Variants in POPDC3 observed in about 807,000 individuals in gnomAD.
POPDC3 encodes the protein popeye domain-containing protein 3.
POPDC3 carries 20 observed loss-of-function variants against 28.2 expected under a neutral mutation model. The ratio of observed to expected loss-of-function variants is 0.71; its 90% CI spans 0.50 to 1.03. The LOEUF (loss-of-function observed/expected upper bound fraction) is 1.03. Ranked by LOEUF, POPDC3 falls within the 50% of genes least tolerant of loss-of-function variation. POPDC3 has a pLI of 0.00. For missense variants in POPDC3, 316 were observed against 345.9 expected, an observed-to-expected ratio of 0.91 and a Z score of 0.69; for synonymous variants, 118 against 124.1, an observed-to-expected ratio of 0.95 and a Z score of 0.33.
At chr6:105,165,218 G>C (rs1053724845) in intron 1 of POPDC3, among the ~76,000 whole-genome samples, 2 of 152,352 alleles carry the variant, frequency 1.3e-5, no homozygotes, top group Admixed American at 6.5e-5. Context: ...GGGAACCCAA[G>C]TGGGATATTC....
At chr6:105,160,886 T>A (rs561347556) in intron 2 of POPDC3, among the ~76,000 whole-genome samples, 1 of 152,268 alleles carries the variant, frequency 6.6e-6, no homozygotes, top group Non-Finnish European at 1.5e-5. Flanking sequence ...CAGGTGTTTT[T>A]GGGATTACAG....
chr6:105,167,831 G>A (rs57604249), intron 1 of POPDC3, among the ~76,000 whole-genome samples: 15,732 of 151,806 alleles, frequency 0.1, 1,043 homozygotes, highest in Middle Eastern at 0.19. Flanking sequence ...AGAAATAGTG[G>A]GTTAAGTAAA....
rs1336767671 is a variant in POPDC3, at chr6:105,179,972, G to A, written c.-391C>T. On this transcript the variant is annotated 5_prime_UTR_variant, in exon 1 of 4. Coordinates refer to ENST00000254765, the MANE Select transcript of POPDC3 (RefSeq NM_022361.5). The stretch of plus-strand genomic sequence containing the variant: ...GCCTCGCCGCCCACCCTGCGGCGCC[G>A]GGCGCAGCGTGACCGCAGCGGGCTC... The A allele has an allele frequency of 6.7e-6, 1 of 148,298 alleles. No individual in the cohort carries two copies. Among genetic ancestry groups the A allele is most frequent in the Non-Finnish European group, 1.5e-5 (1 of 66,824 alleles). The allele number at this position is 148,298 out of a possible 1,614,324, so 9.2% of individuals were successfully genotyped here. A position where few individuals can be genotyped will look rare whatever the true frequency, so the allele number is the denominator to read the frequency against.
At chr6:105,160,664 C>T (rs1774304644) in intron 2 of POPDC3, among the ~76,000 whole-genome samples, 1 of 152,180 alleles carries the variant, frequency 6.6e-6, no homozygotes, top group East Asian at 1.9e-4. Context: ...GCGATCTCAG[C>T]TCACTGCAAC....
At chr6:105,163,331 A>T (rs945524675) in intron 1 of POPDC3, among the ~76,000 whole-genome samples, 1 of 152,152 alleles carries the variant, frequency 6.6e-6, no homozygotes, top group African/African-American at 2.4e-5. Context: ...CTACCCTTTC[A>T]GCCATATGGT....
At chr6:105,161,113 A>G (rs1369457748) in intron 2 of POPDC3, among the ~76,000 whole-genome samples, 2 of 152,274 alleles carry the variant, frequency 1.3e-5, no homozygotes, top group African/African-American at 2.4e-5. Context: ...TATTAATTCA[A>G]GCTGACATCA....
intron 1 of POPDC3, among the ~76,000 whole-genome samples, chr6:105,162,466 G>A (rs746803105): frequency 1.6e-4 from 25 of 152,272 alleles, no homozygotes; most frequent in African/African-American, 2.6e-4. Flanking sequence ...GCGAGGTGGC[G>A]TGTGCCTGGA....
At chr6:105,171,743 C>A (rs1353440346) in intron 1 of POPDC3, among the ~76,000 whole-genome samples, 4 of 141,318 alleles carry the variant, frequency 2.8e-5, no homozygotes, top group African/African-American at 1.1e-4. Flanking sequence ...TAGTGAAATT[C>A]CAATGTTAAC....
At chr6:105,173,650 C>T (rs946588209) in intron 1 of POPDC3, among the ~76,000 whole-genome samples, 1 of 152,162 alleles carries the variant, frequency 6.6e-6, no homozygotes, top group Non-Finnish European at 1.5e-5. Context: ...TCATATCTAA[C>T]CTGCTTCTGT....
intron 1 of POPDC3, among the ~76,000 whole-genome samples, chr6:105,163,333 C>A (rs1320439058): frequency 1.3e-5 from 2 of 152,126 alleles, no homozygotes; most frequent in African/African-American, 4.8e-5. Context: ...ACCCTTTCAG[C>A]CATATGGTGG....
rs567589295 is a variant in POPDC3, at chr6:105,161,765, C to T, written c.145G>A (p.Gly49Arg). Residue 49 changes from glycine (G) to arginine (R), a missense_variant, in exon 2 of 4, where the codon GGG (glycine) becomes AGG (arginine). Gly to Arg is a moderately radical substitution (Grantham distance 125, BLOSUM62 -2). Transcript: ENST00000254765. ...AGCAAACTGAAGACATAAAGGAGCC[C>T]GAAGAATCCACTGCCACCCATGAAA... is the stretch of plus-strand genomic sequence containing the variant. Reference protein sequence around the residue: ...VGFMGGSGFFGLLYVFSLLGL... With the variant: ...VGFMGGSGFFRLLYVFSLLGL... 9 of 1,614,110 alleles carry T rather than the reference C, an allele frequency of 5.6e-6. No individual in the cohort carries two copies. The East Asian group carries it at 1.1e-4, about 20-fold the overall frequency.
chr6:105,174,462 G>A (rs1774644636), intron 1 of POPDC3, among the ~76,000 whole-genome samples: 1 of 152,158 alleles, frequency 6.6e-6, no homozygotes, highest in Non-Finnish European at 1.5e-5. Flanking sequence ...CCAGCCAAAT[G>A]GTCATTCAAG....
chr6:105,163,211 TA>T (rs756590863), intron 1 of POPDC3, among the ~76,000 whole-genome samples: 7 of 152,212 alleles, frequency 4.6e-5, no homozygotes, highest in Non-Finnish European at 1.0e-4. Flanking sequence ...TATTTCAGGT[TA>T]AAGCTTGCAT....
At chr6:105,178,573 C>G (rs1412818654) in intron 1 of POPDC3, 2 of 5,120 alleles carry the variant, frequency 3.9e-4, no homozygotes, top group African/African-American at 4.5e-4. Context: ...GACACACACA[C>G]ACACACACAC....
Position 105,161,681 on chromosome 6 carries a change from T to C in POPDC3, c.229A>G (p.Ile77Val), listed in dbSNP as rs751546255. ...AACAGTACAAAATTCCAGGAAAATATGTCAGCTGCACAGACATCTACCCAA... is the reference window on the plus strand; with the variant it reads ...AACAGTACAAAATTCCAGGAAAATACGTCAGCTGCACAGACATCTACCCAA... ...WAWVDVCAAD[I>V]FSWNFVLFVI... Residue 77 changes from isoleucine (I) to valine (V), a missense_variant, in exon 2 of 4, where the codon ATA becomes GTA. Coordinates refer to ENST00000254765, the MANE Select transcript of POPDC3 (RefSeq NM_022361.5). 8 of 1,614,018 alleles carry C rather than the reference T, an allele frequency of 5.0e-6. 1 individual carries two copies. Among genetic ancestry groups the C allele is most frequent in the Middle Eastern group, 1.6e-4 (1 of 6,084 alleles).
chr6:105,162,460 G>C (rs569381694), intron 1 of POPDC3, among the ~76,000 whole-genome samples: 15 of 152,330 alleles, frequency 9.8e-5, no homozygotes, highest in African/African-American at 3.4e-4. Flanking sequence ...GGCCGGGCGA[G>C]GTGGCGTGTG....
Position 105,158,600 on chromosome 6 carries a change from C to A in POPDC3, c.746G>T (p.Arg249Met), listed in dbSNP as rs750662233. The A allele has an allele frequency of 1.2e-6, 2 of 1,614,108 alleles. No homozygotes were observed. The change falls in exon 4 of 4, where the codon AGG becomes ATG. Residue 249 changes from arginine to methionine, a missense_variant. Coordinates refer to ENST00000254765, the MANE Select transcript of POPDC3 (RefSeq NM_022361.5). ...IADKLYALNDRVYIGKRYHYD... is the reference protein window; with the variant it reads ...IADKLYALNDMVYIGKRYHYD... ...GTGATATCTTTTTCCTATATATACC[C>A]TGTCATTCAAGGCATAGAGTTTATC...
chr6:105,158,737 T>A lies in POPDC3; in HGVS notation c.609A>T (p.Ala203=), dbSNP rs1360303242. ...AAGACACATATCGACAATCAGTTTC[T>A]GCAGTGAGGGTTACCTAAAAAACAC... ...EEGIFQVTLT[A]ETDCRYVSWR... The change falls in exon 4 of 4, where the codon GCA becomes GCT. Residue 203 remains alanine (A), a synonymous_variant. Transcript: ENST00000254765. The A allele has an allele frequency of 6.2e-7, 1 of 1,610,288 alleles. No homozygotes were observed. The highest frequency in any genetic ancestry group is 8.5e-7 in the Non-Finnish European group (1 of 1,177,214).
At chr6:105,167,746 CAAAAA>C (rs35491409) in intron 1 of POPDC3, among the ~76,000 whole-genome samples, 3 of 116,042 alleles carry the variant, frequency 2.6e-5, no homozygotes, top group Admixed American at 8.7e-5. Context: ...GACTCAGCCT[CAAAAA>C]AAAAAAAAAA....
Sources: allele counts gnomAD v4.1 joint callset (sites outside exome capture counted in the v4.1 genomes callset), GRCh38; gene constraint gnomAD v4.1.1; transcripts MANE v1.5; gene names NCBI Gene and HGNC (gene_info 2026-07-23, HGNC 2026-07-21).